The following SDHB variants were observed in gnomAD, a reference collection of about 807,000 sequenced individuals.
SDHB encodes the protein succinate dehydrogenase complex iron sulfur subunit B.
In SDHB, 21 loss-of-function variants were observed where a neutral mutation model predicts 39.7. The ratio of observed to expected loss-of-function variants is 0.53; its 90% CI spans 0.37 to 0.76. SDHB has a LOEUF of 0.76. Ranked by LOEUF, SDHB falls within the 30% of genes least tolerant of loss-of-function variation. The pLI is 0.00. For missense variants in SDHB, 343 were observed against 350.9 expected (o/e 0.98, Z 0.18); for synonymous variants, 118 against 117.0 (o/e 1.01, Z -0.06).
At chr1:17,048,569 T>G (rs559181891) in intron 1 of SDHB, among the ~76,000 whole-genome samples, 10 of 152,298 alleles carry the variant, frequency 6.6e-5, no homozygotes, top group African/African-American at 1.9e-4. Flanking sequence ...CTGACAAAAC[T>G]ATTTTCCAGA....
rs540879072 is a variant in SDHB at position 17,047,484 on chromosome 1, C to T, written c.73-2596G>A. Among the ~76,000 whole-genome samples, 11 of 151,776 alleles carry T rather than the reference C, an allele frequency of 7.2e-5. No individual in the cohort carries two copies. In the East Asian group the frequency reaches 1.2e-3, roughly 16 times the overall value. ...CTGAGATCAGGGATTCAAGACCAGC[C>T]CAGCCAACATGGTGAAACCCCGTCC... On this transcript the variant is annotated intron_variant, in intron 1 of 7. Coordinates refer to ENST00000375499, the MANE Select transcript of SDHB (RefSeq NM_003000.3).
At chr1:17,046,528 C>A (rs1216205072) in intron 1 of SDHB, among the ~76,000 whole-genome samples, 1 of 152,084 alleles carries the variant, frequency 6.6e-6, no homozygotes, top group Non-Finnish European at 1.5e-5. Flanking sequence ...AAACATAAGT[C>A]CCCTTTTCCT....
chr1:17,028,207 T>C lies in SDHB; in HGVS notation c.424-342A>G, dbSNP rs2078002212. Among the ~76,000 whole-genome samples, 3 of 152,256 alleles carry C rather than the reference T, an allele frequency of 2.0e-5. No homozygotes were observed. In the South Asian group the frequency reaches 6.2e-4, roughly 31 times the overall value. The stretch of plus-strand genomic sequence containing the variant: ...CATAAACAGCTGTTGCTTTCCCAAC[T>C]GGCATTTTCCACATGATTTCTTTGT... On this transcript the variant is annotated intron_variant, in intron 4 of 7. Transcript: ENST00000375499.
intron 1 of SDHB, among the ~76,000 whole-genome samples, chr1:17,053,106 T>G (rs1030380617): frequency 1.1e-4 from 16 of 152,306 alleles, no homozygotes; most frequent in African/African-American, 3.6e-4. Flanking sequence ...TAGTCCCTTA[T>G]GTATACAAAA....
intron 7 of SDHB, among the ~76,000 whole-genome samples, chr1:17,022,030 A>G (rs947008521): frequency 6.6e-6 from 1 of 152,226 alleles, no homozygotes; most frequent in Admixed American, 6.5e-5. Flanking sequence ...ACACCCTCTC[A>G]GGAAACTGTG....
chr1:17,046,028 G>A (rs2078108911), intron 1 of SDHB, among the ~76,000 whole-genome samples: 1 of 152,106 alleles, frequency 6.6e-6, no homozygotes, highest in Non-Finnish European at 1.5e-5. Context: ...ACGACTTGTG[G>A]TCAAGACCGT....
At chr1:17,035,026 CCT>C (rs1388784105) in intron 2 of SDHB, among the ~76,000 whole-genome samples, 1 of 152,086 alleles carries the variant, frequency 6.6e-6, no homozygotes, top group African/African-American at 2.4e-5. Context: ...ACATTCTTTG[CCT>C]CTGTTTACCA....
Position 17,018,924 on chromosome 1 carries a change from T to C in SDHB, c.800A>G (p.Lys267Arg), listed in dbSNP as rs774666954. The C allele has an allele frequency of 6.2e-7, 1 of 1,613,212 alleles. No individual in the cohort carries two copies. The highest frequency in any genetic ancestry group is 1.1e-5 in the South Asian group (1 of 91,072). Residue 267 changes from lysine (K) to arginine (R), a missense_variant, in exon 8 of 8, where the codon AAG (lysine) becomes AGG (arginine). Physicochemically the swap from Lys to Arg is conservative, Grantham distance 26 (BLOSUM62 2). Transcript: ENST00000375499. ...CTCCTTATAGGTTGCCATCATTTTC[T>C]TGATCTCTGCAATAGCTTTCCCTGG... is the stretch of plus-strand genomic sequence containing the variant. ...LNPGKAIAEI[K>R]KMMATYKEKK...
At chr1:17,048,762 G>A (rs1324336247) in intron 1 of SDHB, among the ~76,000 whole-genome samples, 3 of 152,042 alleles carry the variant, frequency 2.0e-5, no homozygotes, top group Non-Finnish European at 4.4e-5. Context: ...CCAGGCTGGA[G>A]TACAATGGCG....
At chr1:17,037,874 C>T (rs1467499062) in intron 2 of SDHB, among the ~76,000 whole-genome samples, 2 of 152,160 alleles carry the variant, frequency 1.3e-5, no homozygotes, top group African/African-American at 4.8e-5. Flanking sequence ...CAGTGGCTCA[C>T]ACCTGCAATC....
intron 7 of SDHB, among the ~76,000 whole-genome samples, chr1:17,020,929 T>G (rs914468008): frequency 1.3e-5 from 2 of 152,226 alleles, no homozygotes; most frequent in African/African-American, 4.8e-5. Context: ...GATTTCATGT[T>G]TTCAAACACA....
At chr1:17,028,144 G>A (rs939352297) in intron 4 of SDHB, among the ~76,000 whole-genome samples, 2 of 152,200 alleles carry the variant, frequency 1.3e-5, no homozygotes, top group African/African-American at 4.8e-5. Context: ...GTCAGCAAAG[G>A]TGTTCAAATA....
At chr1:17,034,148 T>C (rs556868305) in intron 2 of SDHB, among the ~76,000 whole-genome samples, 1 of 55,082 alleles carries the variant, frequency 1.8e-5, no homozygotes, top group African/African-American at 3.6e-5. Flanking sequence ...CTGTATTTCA[T>C]TTTTTTTCTT....
rs1000965442 is a variant in SDHB at position 17,049,301 on chromosome 1, CT to C, written c.73-4414del. 5.7e-4 allele frequency among the ~76,000 whole-genome samples: 85 copies of C among 149,590 alleles called. 1 individual carries two copies. Among genetic ancestry groups the C allele is most frequent in the East Asian group, 2.0e-4 (1 of 5,070 alleles). On this transcript the variant is annotated intron_variant, in intron 1 of 7. Coordinates refer to ENST00000375499, the MANE Select transcript of SDHB (RefSeq NM_003000.3). ...CCATTGTGTCTGGCCCTAACTTGGA[CT>C]TTTTTTTTTCTTTTTTGGAGAGTCT... is the stretch of plus-strand genomic sequence containing the variant.
rs2077998232 is a variant in SDHB at position 17,027,610 on chromosome 1, TG to T, written c.540+138del. The T allele has an allele frequency of 2.2e-5, 16 of 730,746 alleles. 1 individual carries two copies. Among genetic ancestry groups the T allele is most frequent in the South Asian group, 1.6e-4 (11 of 69,838 alleles). The allele number at this position is 730,746 out of a possible 1,614,324, so 45.3% of individuals were successfully genotyped here. A position where few individuals can be genotyped will look rare whatever the true frequency, so the allele number is the denominator to read the frequency against. ...ACTCACCCGGCCCTAAGAGGATGAG[TG>T]CCCCACCCTTGTGCCAGTTCCTCTC... On this transcript the variant is annotated intron_variant, in intron 5 of 7. Transcript: ENST00000375499.
Position 17,018,852 on chromosome 1 carries a change from G to A in SDHB, c.*29C>T, listed in dbSNP as rs200504954. 12 of 1,526,422 alleles carry A rather than the reference G, an allele frequency of 7.9e-6. No individual in the cohort carries two copies. The East Asian group carries it at 2.0e-4, about 26-fold the overall frequency. 94.6% of individuals were successfully genotyped at this position (1,526,422 alleles called of 1,614,324 possible). A position where few individuals can be genotyped will look rare whatever the true frequency, so the allele number is the denominator to read the frequency against. On this transcript the variant is annotated 3_prime_UTR_variant, in exon 8 of 8. Coordinates refer to ENST00000375499, the MANE Select transcript of SDHB (RefSeq NM_003000.3). ...ATAAATTATGTTCAGCTCTGAGCTG[G>A]TTATAAATCATGTTTAGCATGGAAA...
At chr1:17,032,896 A>C in intron 3 of SDHB, 164 bp downstream of exon 3, 1 of 687,776 alleles carries the variant, frequency 1.5e-6, no homozygotes, top group Non-Finnish European at 2.7e-6. Flanking sequence ...CACCATGGTT[A>C]GAATTTTGGA....
intron 1 of SDHB, among the ~76,000 whole-genome samples, chr1:17,045,583 A>G (rs1421081306): frequency 6.6e-6 from 1 of 152,220 alleles, no homozygotes; most frequent in Non-Finnish European, 1.5e-5. Context: ...TGGGCAACAG[A>G]GTGAGACTCT....
At chr1:17,048,630 G>A (rs2078126589) in intron 1 of SDHB, among the ~76,000 whole-genome samples, 1 of 152,022 alleles carries the variant, frequency 6.6e-6, no homozygotes, top group African/African-American at 2.4e-5. Flanking sequence ...GGGACAATAT[G>A]CCTTTTAAAA....
Sources: gnomAD v4.1 joint callset for allele counts (sites outside exome capture counted in the v4.1 genomes callset) on GRCh38, gnomAD v4.1.1 for gene constraint, MANE v1.5 for transcripts, NCBI Gene and HGNC (gene_info 2026-07-23, HGNC 2026-07-21) for gene names.